The following YWHAE variants were observed in gnomAD, a reference collection of about 807,000 sequenced individuals.
The protein encoded by YWHAE is tyrosine 3-monooxygenase/tryptophan 5-monooxygenase activation protein epsilon, also known as 14-3-3 protein epsilon.
In YWHAE, 4 loss-of-function variants were observed where a neutral mutation model predicts 30.1. That is an observed-to-expected ratio of 0.13 (90% CI 0.07 to 0.30). YWHAE has a LOEUF of 0.30. Ranked by LOEUF, YWHAE falls within the 10% of genes least tolerant of loss-of-function variation. The probability of loss-of-function intolerance (pLI) is 1.00; values close to 1 mark genes in which losing one functional copy is unlikely to be tolerated. For synonymous variants in YWHAE, 118 were observed against 111.8 expected (o/e 1.06, Z -0.35); for missense variants, 121 against 315.9 (o/e 0.38, Z 4.68).
At chr17:1,358,602 G>A (rs2072800530) in intron 4 of YWHAE, among the ~76,000 whole-genome samples, 1 of 151,812 alleles carries the variant, frequency 6.6e-6, no homozygotes, top group African/African-American at 2.4e-5. Context: ...CACTTTGGGA[G>A]GGAGGCTGAG....
chr17:1,370,201 A>G (rs2073011837), intron 1 of YWHAE, among the ~76,000 whole-genome samples: 1 of 130,396 alleles, frequency 7.7e-6, no homozygotes. Flanking sequence ...ATCTCGGCTC[A>G]CTGCAAGCTC....
At chr17:1,357,307 G>A (rs2072765226) in intron 4 of YWHAE, among the ~76,000 whole-genome samples, 1 of 151,218 alleles carries the variant, frequency 6.6e-6, no homozygotes, top group African/African-American at 2.4e-5. Flanking sequence ...GGAGGCTGAG[G>A]CAGGAGAATG....
intron 5 of YWHAE, among the ~76,000 whole-genome samples, chr17:1,351,319 A>G (rs932172502): frequency 1.3e-5 from 2 of 152,022 alleles, no homozygotes; most frequent in African/African-American, 4.8e-5. Context: ...TGTAGGTTGC[A>G]GTCAGCTGAG....
intron 1 of YWHAE, among the ~76,000 whole-genome samples, chr17:1,384,180 G>A (rs1406008208): frequency 6.6e-6 from 1 of 152,026 alleles, no homozygotes. Context: ...CTCCAGCATG[G>A]GAGAAAGAGC....
At chr17:1,348,363 A>G (rs942248242) in intron 5 of YWHAE, among the ~76,000 whole-genome samples, 1 of 152,190 alleles carries the variant, frequency 6.6e-6, no homozygotes, top group African/African-American at 2.4e-5. Flanking sequence ...GGGTGAAGAG[A>G]CTAAAATCAC....
chr17:1,372,118 G>A (rs1164186681), intron 1 of YWHAE, among the ~76,000 whole-genome samples: 6 of 152,216 alleles, frequency 3.9e-5, no homozygotes, highest in African/African-American at 7.2e-5. Context: ...GATTACAGGC[G>A]TGAGCCACCG....
chr17:1,360,574 C>A (rs1270289841), intron 4 of YWHAE, among the ~76,000 whole-genome samples: 5 of 151,958 alleles, frequency 3.3e-5, no homozygotes, highest in Admixed American at 3.3e-4. Context: ...CCAGCCTAGC[C>A]AAAATGGTGA....
chr17:1,377,404 A>T (rs191732675), intron 1 of YWHAE, among the ~76,000 whole-genome samples: 20 of 152,296 alleles, frequency 1.3e-4, no homozygotes, highest in Admixed American at 7.2e-4. Flanking sequence ...AGTAAAAGCA[A>T]TCACACCAAG....
At chr17:1,385,830 G>A (rs987850477) in intron 1 of YWHAE, among the ~76,000 whole-genome samples, 1 of 152,050 alleles carries the variant, frequency 6.6e-6, no homozygotes, top group African/African-American at 2.4e-5. Flanking sequence ...TATAATCCCA[G>A]CACTTTAGGA....
chr17:1,352,883 C>CA (rs1276718934), intron 5 of YWHAE, among the ~76,000 whole-genome samples: 2 of 152,138 alleles, frequency 1.3e-5, no homozygotes, highest in African/African-American at 4.8e-5. Context: ...ACTTTGTTTA[C>CA]AACCTCCTAC....
rs951446162 is a variant in YWHAE at position 1,344,686 on chromosome 17, A to T, written c.*761T>A. ...AGCTTCAAGTTACACATACTGAACA[A>T]AAGAGGTTGAGCGAGCGAAGGAGGG... is the stretch of plus-strand genomic sequence containing the variant. On this transcript the variant is annotated 3_prime_UTR_variant, in exon 6 of 6. Transcript: ENST00000264335. The T allele has an allele frequency of 1.7e-5, 4 of 231,850 alleles. No homozygotes were observed. Among genetic ancestry groups the T allele is most frequent in the Non-Finnish European group, 3.4e-5 (4 of 116,986 alleles). The allele number at this position is 231,850 out of a possible 1,614,324, so 14.4% of individuals were successfully genotyped here. A position where few individuals can be genotyped will look rare whatever the true frequency, so the allele number is the denominator to read the frequency against.
intron 1 of YWHAE, among the ~76,000 whole-genome samples, chr17:1,365,901 AGTTCGAGACCCT>A: frequency 6.6e-6 from 1 of 152,234 alleles, no homozygotes; most frequent in East Asian, 1.9e-4. Context: ...CGAGCTCAGG[AGTTCGAGACCCT>A]GTCTCTAAAA....
At chr17:1,396,022 G>C (rs900538776) in intron 1 of YWHAE, among the ~76,000 whole-genome samples, 19 of 152,210 alleles carry the variant, frequency 1.2e-4, no homozygotes, top group Non-Finnish European at 2.6e-4. Flanking sequence ...TGGAGGCTGA[G>C]GCAGGAGAAT....
intron 1 of YWHAE, among the ~76,000 whole-genome samples, chr17:1,366,637 G>T (rs1465990478): frequency 1.3e-5 from 2 of 152,010 alleles, no homozygotes; most frequent in African/African-American, 2.4e-5. Flanking sequence ...AAGAGATGGT[G>T]ACTTCATAAA....
chr17:1,370,507 T>G (rs1387794757), intron 1 of YWHAE, among the ~76,000 whole-genome samples: 1 of 151,914 alleles, frequency 6.6e-6, no homozygotes, highest in Non-Finnish European at 1.5e-5. Flanking sequence ...CTCGGCTCAC[T>G]GCAGCCTCTG....
chr17:1,389,730 C>G (rs1279013730), intron 1 of YWHAE, among the ~76,000 whole-genome samples: 1 of 151,818 alleles, frequency 6.6e-6, no homozygotes, highest in African/African-American at 2.4e-5. Context: ...CAGGGTTTCA[C>G]TGTGTTAGCC....
At chr17:1,359,912 A>AGACGGGGAGAGAGAGGAGAGAGGGG (rs2072830748) in intron 4 of YWHAE, among the ~76,000 whole-genome samples, 1 of 38,654 alleles carries the variant, frequency 2.6e-5, no homozygotes, top group African/African-American at 1.3e-4. Flanking sequence ...AGAGAGAGGG[A>AGACGGGGAGAGAGAGGAGAGAGGGG]GACGGGGAGG....
At chr17:1,356,117 C>G (rs1346466985) in intron 4 of YWHAE, among the ~76,000 whole-genome samples, 1 of 151,464 alleles carries the variant, frequency 6.6e-6, no homozygotes, top group Non-Finnish European at 1.5e-5. Context: ...TGCAGTGAGC[C>G]GAGATCACGC....
intron 1 of YWHAE, among the ~76,000 whole-genome samples, chr17:1,377,693 T>C (rs956516945): frequency 5.3e-5 from 8 of 152,178 alleles, no homozygotes; most frequent in Admixed American, 3.3e-4. Flanking sequence ...AATTAGCCAA[T>C]GACCTTTCCT....
Sources: gnomAD v4.1 joint callset for allele counts (sites outside exome capture counted in the v4.1 genomes callset) on GRCh38, gnomAD v4.1.1 for gene constraint, MANE v1.5 for transcripts, NCBI Gene and HGNC (gene_info 2026-07-23, HGNC 2026-07-21) for gene names.